ITGA8: variants seen among roughly 807,000 people sequenced by gnomAD.
ITGA8 encodes integrin subunit alpha 8.
Under a neutral mutation model 142.3 loss-of-function variants are expected in ITGA8, and 91 were observed. That is an observed-to-expected ratio of 0.64 (90% confidence interval 0.54 to 0.76). The LOEUF (loss-of-function observed/expected upper bound fraction) is 0.76, where lower values mean the gene tolerates loss of function less well. Among genes scored for constraint, ITGA8 ranks in the 30% least tolerant of loss-of-function variants. ITGA8 has a pLI of 0.00. For missense variants in ITGA8, 1,406 were observed against 1,327.7 expected (o/e 1.06, Z -0.92); for synonymous variants, 505 against 485.2 (o/e 1.04, Z -0.54).
chr10:15,545,870 A>G (rs1277288683), intron 27 of ITGA8, among the ~76,000 whole-genome samples: 2 of 152,134 alleles, frequency 1.3e-5, no homozygotes, highest in African/African-American at 4.8e-5. Context: ...AATTATTATC[A>G]CATCACTCCT....
intron 25 of ITGA8, among the ~76,000 whole-genome samples, chr10:15,569,396 C>G (rs1367070807): frequency 6.6e-6 from 1 of 152,162 alleles, no homozygotes; most frequent in Non-Finnish European, 1.5e-5. Context: ...CACTTACTAT[C>G]TAGATCACTC....
intron 26 of ITGA8, among the ~76,000 whole-genome samples, chr10:15,549,392 G>A (rs1459905968): frequency 1.3e-5 from 2 of 151,716 alleles, no homozygotes; most frequent in African/African-American, 2.4e-5. Flanking sequence ...TGTATTTTTA[G>A]TAGAGATGGG....
intron 29 of ITGA8, among the ~76,000 whole-genome samples, chr10:15,518,699 T>C (rs1833005913): frequency 6.6e-6 from 1 of 152,230 alleles, no homozygotes; most frequent in South Asian, 2.1e-4. Context: ...TGTGGACTTT[T>C]AGAACAAACC....
intron 2 of ITGA8, among the ~76,000 whole-genome samples, chr10:15,694,173 AGATAATATATCATATATAT>A (rs1240440979): frequency 1.7e-4 from 24 of 140,764 alleles, no homozygotes; most frequent in South Asian, 4.3e-4. Flanking sequence ...ATCATATATC[AGATAATATATCATATATAT>A]GATAATATAT....
chr10:15,641,131 G>A (rs1420692248), intron 13 of ITGA8, among the ~76,000 whole-genome samples: 1 of 152,130 alleles, frequency 6.6e-6, no homozygotes, highest in Non-Finnish European at 1.5e-5. Flanking sequence ...TCGGCTCACT[G>A]CAACCTCTGC....
chr10:15,663,824 C>T (rs1269093914), intron 8 of ITGA8, among the ~76,000 whole-genome samples: 1 of 152,124 alleles, frequency 6.6e-6, no homozygotes, highest in Non-Finnish European at 1.5e-5. Context: ...CCCACCTTGG[C>T]CTTCCAAAGT....
rs755498253 is a variant in ITGA8 at position 15,613,626 on chromosome 10, A to C, written c.1553+34T>G. On this transcript the variant is annotated intron_variant, in intron 15 of 29. Transcript: ENST00000378076. ...CAAGATACCCAGGTGATGTGAATTC[A>C]CATTGGAGTTTGAGAAGCACCGGAC... 6.6e-6 allele frequency: 9 copies of C among 1,358,926 alleles called. No homozygotes were observed. In the East Asian group the frequency reaches 2.1e-4, roughly 31 times the overall value. 84.2% of individuals were successfully genotyped at this position (1,358,926 alleles called of 1,614,324 possible). A position where few individuals can be genotyped will look rare whatever the true frequency, so the allele number is the denominator to read the frequency against.
At chr10:15,670,660 T>C (rs1834494853) in intron 8 of ITGA8, among the ~76,000 whole-genome samples, 1 of 152,214 alleles carries the variant, frequency 6.6e-6, no homozygotes, top group African/African-American at 2.4e-5. Context: ...CAAATCTACA[T>C]AGGCAGCCAG....
intron 2 of ITGA8, among the ~76,000 whole-genome samples, chr10:15,709,776 G>T (rs1013102043): frequency 2.0e-5 from 3 of 152,198 alleles, no homozygotes; most frequent in Admixed American, 6.5e-5. Context: ...GTCAGAACAG[G>T]TCTGTATTTC....
intron 10 of ITGA8, among the ~76,000 whole-genome samples, chr10:15,657,318 C>G (rs1834202505): frequency 6.6e-6 from 1 of 152,132 alleles, no homozygotes; most frequent in African/African-American, 2.4e-5. Context: ...TTGTTTCAAA[C>G]AGTTCAATAT....
intron 2 of ITGA8, among the ~76,000 whole-genome samples, chr10:15,709,162 C>G (rs1020040672): frequency 6.6e-6 from 1 of 152,198 alleles, no homozygotes. Flanking sequence ...GCAGATGCAG[C>G]CATTTACCAA....
intron 20 of ITGA8, among the ~76,000 whole-genome samples, chr10:15,597,611 C>T (rs1833031320): frequency 1.3e-5 from 2 of 152,074 alleles, no homozygotes; most frequent in Admixed American, 1.3e-4. Context: ...AAACTCAGGG[C>T]ATGAAAATCA....
At chr10:15,642,532 A>T (rs1215681375) in intron 13 of ITGA8, among the ~76,000 whole-genome samples, 1 of 152,200 alleles carries the variant, frequency 6.6e-6, no homozygotes, top group Non-Finnish European at 1.5e-5. Context: ...TACATAAGGG[A>T]CCTAGATTTT....
intron 13 of ITGA8, among the ~76,000 whole-genome samples, chr10:15,627,322 A>G (rs2131629930): frequency 6.6e-6 from 1 of 152,308 alleles, no homozygotes; most frequent in Admixed American, 6.5e-5. Context: ...CACAGAAAAG[A>G]GAGGTAACAG....
At chr10:15,572,418 A>G in intron 24 of ITGA8, 49 bp from the exon 25 acceptor site, 2 of 1,572,438 alleles carry the variant, frequency 1.3e-6, no homozygotes, top group Non-Finnish European at 1.7e-6. Context: ...AGGCAGAGAG[A>G]TAAAATCAAA....
intron 28 of ITGA8, among the ~76,000 whole-genome samples, chr10:15,530,541 C>CAAAAAAA (rs57521125): frequency 6.7e-5 from 5 of 75,168 alleles, no homozygotes; most frequent in African/African-American, 1.1e-4. Flanking sequence ...GCGAGACTCT[C>CAAAAAAA]AAAAAAAAAA....
intron 26 of ITGA8, among the ~76,000 whole-genome samples, chr10:15,553,825 A>G (rs1833836693): frequency 6.6e-6 from 1 of 152,030 alleles, no homozygotes; most frequent in African/African-American, 2.4e-5. Flanking sequence ...ACATGCTGAA[A>G]CCCTGTCTTT....
chr10:15,646,253 T>C (rs1037328634), intron 12 of ITGA8, among the ~76,000 whole-genome samples: 13 of 152,230 alleles, frequency 8.5e-5, no homozygotes, highest in African/African-American at 2.9e-4. Context: ...ATAAGAAATA[T>C]TTCTGCAAGT....
intron 25 of ITGA8, among the ~76,000 whole-genome samples, chr10:15,565,267 C>G (rs1322536736): frequency 6.6e-6 from 1 of 152,198 alleles, no homozygotes; most frequent in East Asian, 1.9e-4. Flanking sequence ...CCATAGATGT[C>G]ACTAGTACGT....
Sources: allele counts gnomAD v4.1 joint callset (sites outside exome capture counted in the v4.1 genomes callset), GRCh38; gene constraint gnomAD v4.1.1; transcripts MANE v1.5; gene names NCBI Gene and HGNC (gene_info 2026-07-23, HGNC 2026-07-21).